The following HECW1 variants were observed in gnomAD, a reference collection of about 807,000 sequenced individuals.
HECW1 encodes the protein E3 ubiquitin-protein ligase HECW1.
A neutral mutation model predicts 182.3 loss-of-function variants in HECW1; 61 were observed. The observed-to-expected ratio is 0.33, with a 90% CI of 0.27 to 0.41. The LOEUF (loss-of-function observed/expected upper bound fraction) is 0.41, where lower values mean the gene tolerates loss of function less well. Ranked by LOEUF, HECW1 falls within the 10% of genes least tolerant of loss-of-function variation. The pLI is 1.00. For missense variants in HECW1, 1,739 were observed against 2,108.9 expected (o/e 0.82, Z 3.44); for synonymous variants, 859 against 832.6 (o/e 1.03, Z -0.55).
chr7:43,193,531 A>G (rs1794144280), intron 2 of HECW1, among the ~76,000 whole-genome samples: 1 of 151,932 alleles, frequency 6.6e-6, no homozygotes, highest in Admixed American at 6.6e-5. Context: ...AAAGGTGCCC[A>G]CCACCACGCC....
At position 43,508,964 on chromosome 7, in the gene HECW1, T is replaced by C; in HGVS notation, c.3867-5T>C. 1 of 1,612,974 alleles carries C rather than the reference T, an allele frequency of 6.2e-7. No homozygotes were observed. The highest frequency in any genetic ancestry group is 8.5e-7 in the Non-Finnish European group (1 of 1,179,686). ...GAGCTTCCTGGACCTCTGCTTTCTT[T>C]GCAGCCTGGACTACAGTGGCCCCTC... On this transcript the variant is annotated splice_region_variant and splice_polypyrimidine_tract_variant and intron_variant, in intron 23 of 29. Coordinates refer to ENST00000395891, the MANE Select transcript of HECW1 (RefSeq NM_015052.5).
chr7:43,121,958 G>A (rs753784471), intron 2 of HECW1: 3 of 152,302 alleles, frequency 2.0e-5, no homozygotes, highest in Non-Finnish European at 2.9e-5. Context: ...GAGAAGGTCT[G>A]CATTTCGTTG....
At position 43,563,309 on chromosome 7, in the gene HECW1, C is replaced by A; in HGVS notation, c.*1383C>A. The A allele has an allele frequency of 4.7e-6, 1 of 211,484 alleles. No individual in the cohort carries two copies. The highest frequency in any genetic ancestry group is 9.6e-6 in the Non-Finnish European group (1 of 104,316). 13.1% of individuals were successfully genotyped at this position (211,484 alleles called of 1,614,324 possible). A position where few individuals can be genotyped will look rare whatever the true frequency, so the allele number is the denominator to read the frequency against. On this transcript the variant is annotated 3_prime_UTR_variant, in exon 30 of 30. Transcript: ENST00000395891. ...CTCCAAAGACAGCCTAACCTCTCAA[C>A]TACATTTGAAATAAACCCAACCATA...
In HECW1 at chr7:43,450,978, T is replaced by C. The variant is rs923408532; in HGVS notation, c.2500+49T>C. The C allele has an allele frequency of 2.4e-6, 3 of 1,258,248 alleles. No homozygotes were observed. The Admixed American group carries it at 5.0e-5, about 21-fold the overall frequency. 77.9% of individuals were successfully genotyped at this position (1,258,248 alleles called of 1,614,324 possible). A position where few individuals can be genotyped will look rare whatever the true frequency, so the allele number is the denominator to read the frequency against. ...GTGTCTTAACTCTTCCTATCAAGTC[T>C]AAGCAGGTCAGTATGAATTTGTGTG... On this transcript the variant is annotated intron_variant, in intron 12 of 29. Transcript: ENST00000395891.
In HECW1 at chr7:43,180,196, C is replaced by T. The variant is rs141321566; in HGVS notation, c.-31-63679C>T. Among the ~76,000 whole-genome samples, 666 of 104,158 alleles carry T rather than the reference C, an allele frequency of 6.4e-3. 2 individuals carry two copies. Among genetic ancestry groups the T allele is most frequent in the Admixed American group, 8.4e-3 (93 of 11,118 alleles). The allele number at this position is 104,158 out of a possible 152,430, so 68.3% of individuals were successfully genotyped here. Reference sequence around the variant, plus strand: ...AGCAGAGGTTATGTGACTGTTTGAGCCTGCTGGTAATGAATGTTTGCCCAG... The same window carrying T: ...AGCAGAGGTTATGTGACTGTTTGAGTCTGCTGGTAATGAATGTTTGCCCAG... On this transcript the variant is annotated intron_variant, in intron 2 of 29. Transcript: ENST00000395891.
chr7:43,149,069 A>G (rs745975052), intron 2 of HECW1, among the ~76,000 whole-genome samples: 4 of 152,166 alleles, frequency 2.6e-5, no homozygotes, highest in Non-Finnish European at 5.9e-5. Context: ...TGGCAAATAA[A>G]ATCCACAGAT....
At chr7:43,274,799 A>G (rs1397904420) in intron 3 of HECW1, among the ~76,000 whole-genome samples, 1 of 152,250 alleles carries the variant, frequency 6.6e-6, no homozygotes, top group African/African-American at 2.4e-5. Context: ...GTCACACGTG[A>G]GGACATGTAA....
rs141005170 is a variant in HECW1, at chr7:43,463,224, T to C, written c.2652-436T>C. On this transcript the variant is annotated intron_variant, in intron 13 of 29. Transcript: ENST00000395891. Reference sequence around the variant, plus strand: ...AATATTTCCATGACCTCTGCCCAATTATATCAATTACCCGACAAATAAAAC... The same window carrying C: ...AATATTTCCATGACCTCTGCCCAATCATATCAATTACCCGACAAATAAAAC... Among the ~76,000 whole-genome samples, 1,294 of 152,338 alleles carry C rather than the reference T, an allele frequency of 8.5e-3. 15 individuals carry two copies. Among genetic ancestry groups the C allele is most frequent in the African/African-American group, 0.029 (1,192 of 41,566 alleles).
chr7:43,227,223 G>A (rs1213096710), intron 2 of HECW1, among the ~76,000 whole-genome samples: 2 of 152,058 alleles, frequency 1.3e-5, no homozygotes, highest in Non-Finnish European at 2.9e-5. Context: ...TGAAATTCAG[G>A]CTACTGAAAT....
intron 7 of HECW1, among the ~76,000 whole-genome samples, chr7:43,400,619 AGT>A (rs1341764139): frequency 6.6e-6 from 1 of 152,230 alleles, no homozygotes; most frequent in African/African-American, 2.4e-5. Context: ...AATAGAGGGA[AGT>A]GCAGAGCATA....
rs568052983 is a variant in HECW1 at position 43,355,150 on chromosome 7, C to A, written c.461-5736C>A. 4.6e-5 allele frequency among the ~76,000 whole-genome samples: 7 copies of A among 152,074 alleles called. No individual in the cohort carries two copies. In the East Asian group the frequency reaches 1.3e-3, roughly 29 times the overall value. ...GCTAAAAGAATTCACTACCACCAGA[C>A]CCATCATACAAGAAATGCTTAAGAG... On this transcript the variant is annotated intron_variant, in intron 5 of 29. Transcript: ENST00000395891.
At chr7:43,442,799 G>C (rs142727764) in intron 10 of HECW1, among the ~76,000 whole-genome samples, 170 bp downstream of exon 10, 1 of 152,328 alleles carries the variant, frequency 6.6e-6, no homozygotes, top group African/African-American at 2.4e-5. Context: ...CCAGGTTGCT[G>C]TCCCCCTGAT....
intron 6 of HECW1, among the ~76,000 whole-genome samples, chr7:43,388,490 G>A (rs1171348008): frequency 6.6e-6 from 1 of 152,168 alleles, no homozygotes; most frequent in Non-Finnish European, 1.5e-5. Context: ...CTTATGAGTG[G>A]TGTACTGCAT....
rs550833050 is a variant in HECW1, at chr7:43,197,479, G to A, written c.-31-46396G>A. Among the ~76,000 whole-genome samples, 87 of 152,328 alleles carry A rather than the reference G, an allele frequency of 5.7e-4. 1 individual carries two copies. Among genetic ancestry groups the A allele is most frequent in the South Asian group, 2.1e-3 (10 of 4,826 alleles). ...CCTGGGTGGACAGATGCCCAGGAGC[G>A]TGCACAGTGGCCCAAGGAGAGGGTG... On this transcript the variant is annotated intron_variant, in intron 2 of 29. Transcript: ENST00000395891.
intron 3 of HECW1, among the ~76,000 whole-genome samples, chr7:43,269,373 A>T (rs1802134259): frequency 6.6e-6 from 1 of 152,176 alleles, no homozygotes; most frequent in South Asian, 2.1e-4. Context: ...TCCCTGACAC[A>T]CACTTCACTG....
intron 24 of HECW1, among the ~76,000 whole-genome samples, chr7:43,524,584 A>C (rs2080683960): frequency 6.6e-6 from 1 of 152,270 alleles, no homozygotes; most frequent in Non-Finnish European, 1.5e-5. Context: ...TATTAACATT[A>C]AATTACTCTT....
intron 3 of HECW1, among the ~76,000 whole-genome samples, chr7:43,285,519 T>TA (rs1319164077): frequency 6.6e-6 from 1 of 152,024 alleles, no homozygotes; most frequent in Non-Finnish European, 1.5e-5. Flanking sequence ...CCCAAAGTCA[T>TA]AAAAAATAAA....
At chr7:43,301,163 C>G (rs1201221414) in intron 3 of HECW1, among the ~76,000 whole-genome samples, 1 of 151,732 alleles carries the variant, frequency 6.6e-6, no homozygotes, top group African/African-American at 2.4e-5. Flanking sequence ...TGGGAGACCC[C>G]TTTCACACAC....
intron 2 of HECW1, among the ~76,000 whole-genome samples, chr7:43,197,287 A>G (rs1794549722): frequency 6.6e-6 from 1 of 152,124 alleles, no homozygotes; most frequent in African/African-American, 2.4e-5. Flanking sequence ...TCACTCATTA[A>G]GTGGAAGAGG....
Sources: gnomAD v4.1 joint callset for allele counts (sites outside exome capture counted in the v4.1 genomes callset) on GRCh38, gnomAD v4.1.1 for gene constraint, MANE v1.5 for transcripts, NCBI Gene and HGNC (gene_info 2026-07-23, HGNC 2026-07-21) for gene names.